NOTCH2: variants seen among roughly 807,000 people sequenced by gnomAD.
NOTCH2 encodes notch receptor 2.
A neutral mutation model predicts 235.8 loss-of-function variants in NOTCH2; 29 were observed. That is an observed-to-expected ratio of 0.12 (90% CI 0.09 to 0.17). NOTCH2 has a LOEUF of 0.17. NOTCH2 is among the 10% of genes least tolerant of loss of function. NOTCH2 has a pLI of 1.00. For missense variants in NOTCH2, 2,285 were observed against 3,150.2 expected (o/e 0.73, Z 6.57); for synonymous variants, 1,086 against 1,141.5 (o/e 0.95, Z 0.98).
At chr1:120,065,642 C>A (rs1655477547) in intron 1 of NOTCH2, among the ~76,000 whole-genome samples, 1 of 152,122 alleles carries the variant, frequency 6.6e-6, no homozygotes, top group Admixed American at 6.5e-5. Context: ...CAATTAATAA[C>A]AGACCTGGAG....
chr1:119,963,842 C>T (rs782028503), intron 10 of NOTCH2, 35 bp from the exon 11 acceptor site: 9 of 1,569,642 alleles, frequency 5.7e-6, no homozygotes, highest in Non-Finnish European at 7.9e-6. Context: ...TTCTCAAAGA[C>T]CAAGGCAGAT....
chr1:119,969,762 C>T lies in NOTCH2; in HGVS notation c.875-18G>A, dbSNP rs782035695. ...GAACTGTCCTTTTAGGGGGAAATTA[C>T]TTTTGATTAGGGCTCTTGAGTCTCA... On this transcript the variant is annotated intron_variant, in intron 5 of 33. Coordinates refer to ENST00000256646, the MANE Select transcript of NOTCH2 (RefSeq NM_024408.4). 34 of 1,609,010 alleles carry T rather than the reference C, an allele frequency of 2.1e-5. No individual in the cohort carries two copies. The highest frequency in any genetic ancestry group is 1.5e-5 in the Non-Finnish European group (18 of 1,175,526).
chr1:119,969,966 A>C (rs1553200189), intron 5 of NOTCH2, among the ~76,000 whole-genome samples: 1 of 152,222 alleles, frequency 6.6e-6, no homozygotes, highest in Non-Finnish European at 1.5e-5. Context: ...CTACCGTTAG[A>C]AACTCTAACA....
chr1:119,920,301 G>A lies in NOTCH2; in HGVS notation c.5407C>T (p.Pro1803Ser), dbSNP rs1557804130. Residue 1803 changes from proline (P) to serine (S), a missense_variant, in exon 30 of 34, where the codon CCA becomes TCA. By Grantham distance (74) the Pro-to-Ser change is moderately conservative. This residue lies in a region of NOTCH2 where 1,173 missense variants were observed against 1,515.3 expected (regional missense o/e 0.77). Coordinates refer to ENST00000256646, the MANE Select transcript of NOTCH2 (RefSeq NM_024408.4). Reference protein sequence around the residue: ...HLEAADIRRTPSLALTPPQAE... With the variant: ...HLEAADIRRTSSLALTPPQAE... ...TGAGGAGGGGTGAGAGCCAGCGATG[G>A]TGTCCTACGGATGTCTGCAGCTTCA... 6.2e-7 allele frequency: 1 copy of A among 1,614,192 alleles called. No individual in the cohort carries two copies. Among genetic ancestry groups the A allele is most frequent in the Admixed American group, 1.7e-5 (1 of 60,026 alleles).
chr1:119,953,549 A>G lies in NOTCH2; in HGVS notation c.2359T>C (p.Phe787Leu). The G allele has an allele frequency of 6.2e-7, 1 of 1,614,194 alleles. No homozygotes were observed. The highest frequency in any genetic ancestry group is 8.5e-7 in the Non-Finnish European group (1 of 1,180,018). The change falls in exon 14 of 34, where the codon TTT (phenylalanine) becomes CTT (leucine). Residue 787 changes from phenylalanine (F) to leucine (L), a missense_variant. Phe to Leu is a conservative substitution (Grantham distance 22). Transcript: ENST00000256646. ...GATGTACTTTTGTTTTCACCTTTAAAGCCCTTCTTGCAAGTACACCTGTAT... is the reference window on the plus strand; with the variant it reads ...GATGTACTTTTGTTTTCACCTTTAAGGCCCTTCTTGCAAGTACACCTGTAT... ...NGYRCTCKKG[F>L]KGYNCQVNID... is the part of the protein sequence containing the mutation.
chr1:120,000,970 TG>T (rs1282367607), intron 3 of NOTCH2, among the ~76,000 whole-genome samples: 1 of 151,786 alleles, frequency 6.6e-6, no homozygotes, highest in Non-Finnish European at 1.5e-5. Context: ...AGGGACCCAG[TG>T]GGGTAACTGT....
intron 17 of NOTCH2, 79 bp downstream of exon 17, chr1:119,948,335 C>T: frequency 6.5e-7 from 1 of 1,529,450 alleles, no homozygotes; most frequent in Non-Finnish European, 9.0e-7. Flanking sequence ...TGAAAGGCGG[C>T]AGCCTCCACT....
At chr1:120,014,750 T>C (rs1570747939) in intron 2 of NOTCH2, among the ~76,000 whole-genome samples, 1 of 114,104 alleles carries the variant, frequency 8.8e-6, no homozygotes, top group South Asian at 3.3e-4. Context: ...TCCCTAGTAA[T>C]ACAGGACAGA....
At chr1:119,978,137 G>C (rs782477921) in intron 5 of NOTCH2, among the ~76,000 whole-genome samples, 5 of 152,178 alleles carry the variant, frequency 3.3e-5, no homozygotes, top group Non-Finnish European at 5.9e-5. Flanking sequence ...GGTTGTGAAA[G>C]AGGGGAGAAG....
intron 5 of NOTCH2, among the ~76,000 whole-genome samples, chr1:119,985,172 G>C (rs587630282): frequency 1.3e-5 from 2 of 152,222 alleles, no homozygotes; most frequent in East Asian, 3.9e-4. Flanking sequence ...TCCTGTTGAT[G>C]ATGGGCAGGG....
At chr1:119,967,693 A>G (rs1345231741) in intron 7 of NOTCH2, 72 bp from the exon 8 acceptor site, 6 of 1,325,912 alleles carry the variant, frequency 4.5e-6, no homozygotes, top group Non-Finnish European at 6.5e-6. Context: ...ATAGAAGAGC[A>G]TCTGATGGTT....
chr1:119,958,682 A>AT (rs1243980607), intron 12 of NOTCH2, among the ~76,000 whole-genome samples: 56 of 151,904 alleles, frequency 3.7e-4, no homozygotes, highest in African/African-American at 1.3e-3. Flanking sequence ...GGTAAAAGAT[A>AT]AAGGTAATAT....
rs782793865 is a variant in NOTCH2, at chr1:120,069,401, G to A, written c.6C>T (p.Pro2=). ...CCCACAGCAGAGCGGGGCGCAGGGCGGGCATCTTCTCGGTCGCCTCCTCCT... is the reference window on the plus strand; with the variant it reads ...CCCACAGCAGAGCGGGGCGCAGGGCAGGCATCTTCTCGGTCGCCTCCTCCT... M[P]ALRPALLWAL... Residue 2 remains proline, a synonymous_variant, in exon 1 of 34, where the codon CCC becomes CCT. Transcript: ENST00000256646. 16 of 1,547,028 alleles carry A rather than the reference G, an allele frequency of 1.0e-5. No individual in the cohort carries two copies. The East Asian group carries it at 2.9e-4, about 28-fold the overall frequency.
At chr1:119,934,878 G>C (rs1187620376) in intron 22 of NOTCH2, among the ~76,000 whole-genome samples, 3 of 152,148 alleles carry the variant, frequency 2.0e-5, no homozygotes, top group African/African-American at 7.2e-5. Context: ...ACAGCAGAAT[G>C]ATGGCCATAC....
intron 19 of NOTCH2, 28 bp downstream of exon 19, chr1:119,940,527 C>G (rs371054776): frequency 4.1e-5 from 65 of 1,601,002 alleles, no homozygotes; most frequent in African/African-American, 5.4e-5. Flanking sequence ...TCTAGGGGAG[C>G]TGAGTGAATG....
chr1:120,000,295 G>A (rs1406073571), intron 3 of NOTCH2, among the ~76,000 whole-genome samples: 3 of 152,052 alleles, frequency 2.0e-5, no homozygotes, highest in African/African-American at 4.8e-5. Context: ...CAGCACTTTG[G>A]GAGGCCGAGG....
chr1:119,985,409 G>A (rs1273390635), intron 5 of NOTCH2, among the ~76,000 whole-genome samples: 1 of 152,156 alleles, frequency 6.6e-6, no homozygotes, highest in East Asian at 1.9e-4. Context: ...TTTATTAAAT[G>A]TCCTGGGATA....
intron 2 of NOTCH2, among the ~76,000 whole-genome samples, chr1:120,017,908 G>A (rs1157550438): frequency 6.6e-6 from 1 of 151,218 alleles, no homozygotes; most frequent in Non-Finnish European, 1.5e-5. Flanking sequence ...CTGGAGCCCT[G>A]ACTAAGAAAA....
rs1359658709 is a variant in NOTCH2, at chr1:119,918,463, C to T, written c.5872G>A (p.Gly1958Arg). 1 of 1,614,178 alleles carries T rather than the reference C, an allele frequency of 6.2e-7. No individual in the cohort carries two copies. Among genetic ancestry groups the T allele is most frequent in the Non-Finnish European group, 8.5e-7 (1 of 1,180,032 alleles). The part of the protein sequence containing the change: ...LILAARLAVE[G>R]MVAELINCQA... ...CAGTTGATCAGTTCTGCCACCATTC[C>T]CTCCACAGCCAGGCGGGCAGCCAGG... is the stretch of plus-strand genomic sequence containing the variant. Residue 1958 changes from glycine (G) to arginine (R), a missense_variant, in exon 32 of 34, where the codon GGA becomes AGA. Physicochemically the swap from Gly to Arg is moderately radical, Grantham distance 125. This residue lies in a region of NOTCH2 where 128 missense variants were observed against 255.9 expected (regional missense o/e 0.50). Transcript: ENST00000256646.
Sources: gnomAD v4.1 joint callset for allele counts (sites outside exome capture counted in the v4.1 genomes callset) on GRCh38, gnomAD v4.1.1 for gene constraint, gnomAD v4.1.1 regional missense constraint, MANE v1.5 for transcripts, NCBI Gene and HGNC (gene_info 2026-07-23, HGNC 2026-07-21) for gene names.